The following ANKRD17 variants were observed in gnomAD, a reference collection of about 807,000 sequenced individuals.
The protein encoded by ANKRD17 is ankyrin repeat domain-containing protein 17.
In ANKRD17, 19 loss-of-function variants were observed where a neutral mutation model predicts 229.7. The ratio of observed to expected loss-of-function variants is 0.08; its 90% CI spans 0.06 to 0.12. The LOEUF (loss-of-function observed/expected upper bound fraction) is 0.12. ANKRD17 is among the 10% of genes least tolerant of loss of function. The probability of loss-of-function intolerance (pLI) is 1.00; values close to 1 mark genes in which losing one functional copy is unlikely to be tolerated. For missense variants in ANKRD17, 2,176 were observed against 3,176.8 expected (o/e 0.68, Z 7.57); for synonymous variants, 1,112 against 1,146.1 (o/e 0.97, Z 0.60).
chr4:73,183,029 AAAT>A (rs1735788459), intron 1 of ANKRD17, among the ~76,000 whole-genome samples: 1 of 152,220 alleles, frequency 6.6e-6, no homozygotes, highest in African/African-American at 2.4e-5. Flanking sequence ...TCACTGGGTT[AAAT>A]ATAAGCCAAA....
At chr4:73,156,605 A>C (rs557906205) in intron 3 of ANKRD17, among the ~76,000 whole-genome samples, 15 of 152,076 alleles carry the variant, frequency 9.9e-5, no homozygotes, top group Middle Eastern at 3.4e-3. Context: ...GTTTGTTTAA[A>C]AGTGTGTAGC....
At position 73,091,011 on chromosome 4, in the gene ANKRD17, T is replaced by C. The variant is rs754240352; in HGVS notation, c.6617A>G (p.Asn2206Ser). Residue 2206 changes from asparagine to serine, a missense_variant, in exon 29 of 34, where the codon AAT (asparagine) becomes AGT (serine). Asn to Ser is a conservative substitution (Grantham distance 46). Transcript: ENST00000358602. ...QNSSVAVLSV[N>S]HIKRPHSVPS... ...AACACTGTGAGGTCTTTTAATGTGA[T>C]TGACACTGAGGACTGCAACAGATGA... 5.0e-6 allele frequency: 8 copies of C among 1,614,076 alleles called. No homozygotes were observed. The highest frequency in any genetic ancestry group is 2.2e-5 in the East Asian group (1 of 44,888).
chr4:73,220,411 C>T (rs1375272896), intron 1 of ANKRD17, among the ~76,000 whole-genome samples: 2 of 152,020 alleles, frequency 1.3e-5, no homozygotes, highest in African/African-American at 2.4e-5. Context: ...CTATTTAATC[C>T]CTTACCTTGG....
intron 18 of ANKRD17, among the ~76,000 whole-genome samples, chr4:73,123,936 A>G (rs1438149909): frequency 6.6e-6 from 1 of 152,014 alleles, no homozygotes; most frequent in Non-Finnish European, 1.5e-5. Flanking sequence ...CACGATGATG[A>G]AGGGATTGGA....
Position 73,156,113 on chromosome 4 carries a change from A to G in ANKRD17, c.758T>C (p.Leu253Ser), listed in dbSNP as rs1349490065. ...ATTTACACTTCGCCCTTCAATGAGT[A>G]ACTTTCGCACAGCATTTACATCTCC... ...SEGDVNAVRK[L>S]LIEGRSVNEH... Residue 253 changes from leucine (L) to serine (S), a missense_variant, in exon 4 of 34, where the codon TTA becomes TCA. Around this residue, in one of 18 missense-constraint regions of ANKRD17, gnomAD observed 184 missense variants for 357.8 expected, o/e 0.51. Transcript: ENST00000358602. The G allele has an allele frequency of 6.2e-7, 1 of 1,613,400 alleles. No homozygotes were observed. Among genetic ancestry groups the G allele is most frequent in the African/African-American group, 1.3e-5 (1 of 75,002 alleles).
chr4:73,231,209 T>A (rs149192947), intron 1 of ANKRD17, among the ~76,000 whole-genome samples: 1 of 152,240 alleles, frequency 6.6e-6, no homozygotes, highest in African/African-American at 2.4e-5. Flanking sequence ...AAGAAAAAGC[T>A]TAAATCTAAA....
chr4:73,143,164 G>A (rs1320969720), intron 11 of ANKRD17, among the ~76,000 whole-genome samples: 2 of 152,090 alleles, frequency 1.3e-5, no homozygotes, highest in African/African-American at 4.8e-5. Flanking sequence ...TGCCCTCTAT[G>A]GGCTTTATGT....
At chr4:73,126,602 A>G (rs1162059443) in intron 16 of ANKRD17, among the ~76,000 whole-genome samples, 1 of 152,222 alleles carries the variant, frequency 6.6e-6, no homozygotes, top group African/African-American at 2.4e-5. Flanking sequence ...ACATGACACT[A>G]TCTACATATG....
chr4:73,097,293 G>A (rs752411578), intron 26 of ANKRD17, 21 bp from the exon 27 acceptor site: 3 of 1,553,430 alleles, frequency 1.9e-6, no homozygotes, highest in East Asian at 2.4e-5. Context: ...GAGAGGGAAA[G>A]TACATTAAAT....
At chr4:73,234,515 G>C (rs991681992) in intron 1 of ANKRD17, among the ~76,000 whole-genome samples, 1 of 152,148 alleles carries the variant, frequency 6.6e-6, no homozygotes, top group Non-Finnish European at 1.5e-5. Context: ...TAGAGTGTAA[G>C]AGCTTTCCCT....
At chr4:73,094,655 TTATATATACA>T (rs1179152519) in intron 27 of ANKRD17, among the ~76,000 whole-genome samples, 1 of 151,034 alleles carries the variant, frequency 6.6e-6, no homozygotes, top group Non-Finnish European at 1.5e-5. Context: ...CACAAATGTA[TTATATATACA>T]TATATGTATA....
At chr4:73,188,873 G>A (rs1236985197) in intron 1 of ANKRD17, among the ~76,000 whole-genome samples, 1 of 152,130 alleles carries the variant, frequency 6.6e-6, no homozygotes, top group African/African-American at 2.4e-5. Context: ...AGTTATTAAA[G>A]TCAGAAAGTT....
intron 1 of ANKRD17, among the ~76,000 whole-genome samples, chr4:73,218,876 C>A (rs1741470518): frequency 6.6e-6 from 1 of 152,064 alleles, no homozygotes; most frequent in Non-Finnish European, 1.5e-5. Flanking sequence ...TCCTGGCCAA[C>A]ATAGTGAAAC....
intron 1 of ANKRD17, among the ~76,000 whole-genome samples, chr4:73,210,583 T>C (rs1334982406): frequency 6.6e-6 from 1 of 152,166 alleles, no homozygotes. Context: ...AATTTTATTG[T>C]TGAAACAAAC....
chr4:73,106,738 G>C (rs932461455), intron 24 of ANKRD17, among the ~76,000 whole-genome samples: 4 of 151,970 alleles, frequency 2.6e-5, no homozygotes, highest in African/African-American at 9.7e-5. Flanking sequence ...AATTAGCTGG[G>C]TGTGGTGGTG....
chr4:73,257,281 T>C (rs1745534159), intron 1 of ANKRD17, among the ~76,000 whole-genome samples: 1 of 152,196 alleles, frequency 6.6e-6, no homozygotes, highest in Non-Finnish European at 1.5e-5. Context: ...TGGTTGTCAG[T>C]ATGGTATGTT....
intron 14 of ANKRD17, 84 bp from the exon 15 acceptor site, chr4:73,140,367 A>T: frequency 7.2e-7 from 1 of 1,382,374 alleles, no homozygotes. Flanking sequence ...TAGTGCCAAC[A>T]GTTATGCACT....
rs567746726 is a variant in ANKRD17 at position 73,168,450 on chromosome 4, A to G, written c.548-7102T>C. On this transcript the variant is annotated intron_variant, in intron 2 of 33. Coordinates refer to ENST00000358602, the MANE Select transcript of ANKRD17 (RefSeq NM_032217.5). ...GCTAAATATTTGATTGTGTGTGTGT[A>G]TATATATATACACTCCTCAATTAAA... Among the ~76,000 whole-genome samples the G allele has an allele frequency of 2.0e-4, 29 of 146,312 alleles. 2 individuals carry two copies. In the East Asian group the frequency reaches 5.2e-3, roughly 26 times the overall value.
At chr4:73,222,933 T>A (rs1457954260) in intron 1 of ANKRD17, 6 of 1,434,042 alleles carry the variant, frequency 4.2e-6, no homozygotes, top group Non-Finnish European at 5.7e-6. Context: ...ATTTCTTTGT[T>A]CAGATTTCAA....
Sources: gnomAD v4.1 joint callset for allele counts (sites outside exome capture counted in the v4.1 genomes callset) on GRCh38, gnomAD v4.1.1 for gene constraint, gnomAD v4.1.1 regional missense constraint, MANE v1.5 for transcripts, NCBI Gene and HGNC (gene_info 2026-07-23, HGNC 2026-07-21) for gene names.